PDE8A: variants seen among roughly 807,000 people sequenced by gnomAD.
PDE8A encodes the protein high affinity cAMP-specific and IBMX-insensitive 3',5'-cyclic phosphodiesterase 8A.
In PDE8A, 59 loss-of-function variants were observed where a neutral mutation model predicts 105.0. That is an observed-to-expected ratio of 0.56 (90% CI 0.46 to 0.70). The LOEUF (loss-of-function observed/expected upper bound fraction) is 0.70, where lower values mean the gene tolerates loss of function less well. PDE8A is among the 30% of genes least tolerant of loss of function. PDE8A has a pLI of 0.00. For synonymous variants in PDE8A, 355 were observed against 371.9 expected, an observed-to-expected ratio of 0.95 and a Z score of 0.52; for missense variants, 1,014 against 1,045.9, an observed-to-expected ratio of 0.97 and a Z score of 0.42.
intron 1 of PDE8A, among the ~76,000 whole-genome samples, chr15:85,022,426 GTTTTT>G (rs3042744): frequency 7.4e-6 from 1 of 134,464 alleles, no homozygotes; most frequent in Non-Finnish European, 1.6e-5. Flanking sequence ...TATTGGAAGT[GTTTTT>G]TTTTTTTTTT....
intron 1 of PDE8A, among the ~76,000 whole-genome samples, chr15:84,991,538 C>T (rs2079885579): frequency 6.6e-6 from 1 of 152,116 alleles, no homozygotes; most frequent in African/African-American, 2.4e-5. Context: ...AGGGAAAAAC[C>T]CATTGTCATT....
At chr15:85,022,066 C>T (rs1345887097) in intron 1 of PDE8A, among the ~76,000 whole-genome samples, 1 of 152,214 alleles carries the variant, frequency 6.6e-6, no homozygotes, top group East Asian at 1.9e-4. Flanking sequence ...TAAGCTTTCA[C>T]CAACTAGTTT....
chr15:85,023,927 A>G (rs1246818525), intron 1 of PDE8A, among the ~76,000 whole-genome samples: 1 of 152,082 alleles, frequency 6.6e-6, no homozygotes, highest in African/African-American at 2.4e-5. Flanking sequence ...GGGATCAGGG[A>G]TGGTTTGGAC....
At chr15:85,123,831 GA>G (rs1050692197) in intron 19 of PDE8A, among the ~76,000 whole-genome samples, 2 of 152,112 alleles carry the variant, frequency 1.3e-5, no homozygotes, top group African/African-American at 4.8e-5. Context: ...AACTTGGCAG[GA>G]AAAAAATTAG....
At chr15:85,015,243 T>TG (rs2080305425) in intron 1 of PDE8A, among the ~76,000 whole-genome samples, 1 of 68,866 alleles carries the variant, frequency 1.5e-5, no homozygotes, top group Non-Finnish European at 3.5e-5. Flanking sequence ...TGTGCATAAG[T>TG]CTTTTTTTTT....
At chr15:84,983,300 A>G (rs141806365) in intron 1 of PDE8A, among the ~76,000 whole-genome samples, 118 of 152,392 alleles carry the variant, frequency 7.7e-4, no homozygotes, top group African/African-American at 2.7e-3. Flanking sequence ...GCATGGCTGC[A>G]GATTGTTGGC....
At chr15:85,074,049 T>C (rs1012940099) in intron 3 of PDE8A, among the ~76,000 whole-genome samples, 1 of 151,924 alleles carries the variant, frequency 6.6e-6, no homozygotes, top group South Asian at 2.1e-4. Flanking sequence ...GAGTACAGAG[T>C]GAACACAGAA....
At chr15:84,996,823 C>CAAAAA (rs34363361) in intron 1 of PDE8A, among the ~76,000 whole-genome samples, 1,212 of 53,804 alleles carry the variant, frequency 0.023, 263 homozygotes, top group Non-Finnish European at 0.031. Flanking sequence ...AAGACTCTCT[C>CAAAAA]AAAAAAAAAA....
intron 1 of PDE8A, among the ~76,000 whole-genome samples, chr15:84,983,693 G>T (rs1329746977): frequency 2.0e-5 from 3 of 152,214 alleles, no homozygotes; most frequent in Non-Finnish European, 4.4e-5. Flanking sequence ...TTAAAAAAGT[G>T]TTACACAGGT....
At chr15:84,993,896 CA>C (rs1373579979) in intron 1 of PDE8A, among the ~76,000 whole-genome samples, 1 of 151,842 alleles carries the variant, frequency 6.6e-6, no homozygotes, top group African/African-American at 2.4e-5. Context: ...TCTTAAAAAG[CA>C]AAAAACAAAA....
At chr15:85,044,536 T>A (rs2080859233) in intron 1 of PDE8A, among the ~76,000 whole-genome samples, 1 of 152,170 alleles carries the variant, frequency 6.6e-6, no homozygotes, top group Admixed American at 6.5e-5. Context: ...GCCCCAAATT[T>A]CCATGCCACA....
At chr15:84,986,359 T>C (rs768870562) in intron 1 of PDE8A, among the ~76,000 whole-genome samples, 2 of 152,216 alleles carry the variant, frequency 1.3e-5, no homozygotes, top group African/African-American at 2.4e-5. Context: ...CATTCTCTAG[T>C]TGGTCCATTT....
chr15:84,982,082 G>T lies in PDE8A; in HGVS notation c.-81G>T. Reference sequence around the variant, plus strand: ...CAGGCGGCGATGACACGGCGCCCGCGGCGGCCCGGAGGCGCCGGGTGGGCC... The same window carrying T: ...CAGGCGGCGATGACACGGCGCCCGCTGCGGCCCGGAGGCGCCGGGTGGGCC... On this transcript the variant is annotated 5_prime_UTR_variant, in exon 1 of 22. Coordinates refer to ENST00000394553, the MANE Select transcript of PDE8A (RefSeq NM_002605.3). 1.1e-6 allele frequency: 1 copy of T among 929,326 alleles called. No homozygotes were observed. The highest frequency in any genetic ancestry group is 1.4e-6 in the Non-Finnish European group (1 of 724,052). The allele number at this position is 929,326 out of a possible 1,614,324, so 57.6% of individuals were successfully genotyped here. A position where few individuals can be genotyped will look rare whatever the true frequency, so the allele number is the denominator to read the frequency against.
At chr15:85,071,638 G>A (rs928499006) in intron 3 of PDE8A, among the ~76,000 whole-genome samples, 4 of 152,208 alleles carry the variant, frequency 2.6e-5, no homozygotes, top group African/African-American at 9.7e-5. Flanking sequence ...CTCCAAGCCC[G>A]AACTGTGCTT....
At chr15:85,115,543 T>C in intron 15 of PDE8A, 56 bp downstream of exon 15, 1 of 855,522 alleles carries the variant, frequency 1.2e-6, no homozygotes, top group Non-Finnish European at 1.8e-6. Flanking sequence ...GCAGTCTAGC[T>C]TAAGTGATGA....
At chr15:85,072,738 T>G (rs1596490695) in intron 3 of PDE8A, among the ~76,000 whole-genome samples, 1 of 152,320 alleles carries the variant, frequency 6.6e-6, no homozygotes, top group East Asian at 1.9e-4. Flanking sequence ...AGATACTGTT[T>G]AAACCACTCT....
At chr15:85,107,599 GA>G (rs2081965688) in intron 11 of PDE8A, among the ~76,000 whole-genome samples, 1 of 152,172 alleles carries the variant, frequency 6.6e-6, no homozygotes, top group Non-Finnish European at 1.5e-5. Context: ...AAGGAGAGGG[GA>G]GGGGGAGAAG....
chr15:85,112,672 C>T lies in PDE8A; in HGVS notation c.1115-705C>T, dbSNP rs16974881. On this transcript the variant is annotated intron_variant, in intron 12 of 21. Transcript: ENST00000394553. The stretch of plus-strand genomic sequence containing the variant: ...ATCAGTCTCTGGGACAGCCCCTGGT[C>T]CTGTAACGTCTTTGGGAAGCAGCAT... Among the ~76,000 whole-genome samples, 7 of 152,152 alleles carry T rather than the reference C, an allele frequency of 4.6e-5. No homozygotes were observed. In the East Asian group the frequency reaches 9.6e-4, roughly 21 times the overall value.
At chr15:84,996,823 C>CAAAAAAAA (rs34363361) in intron 1 of PDE8A, among the ~76,000 whole-genome samples, 18 of 53,824 alleles carry the variant, frequency 3.3e-4, no homozygotes, top group African/African-American at 7.9e-4. Context: ...AAGACTCTCT[C>CAAAAAAAA]AAAAAAAAAA....
Sources: allele counts gnomAD v4.1 joint callset (sites outside exome capture counted in the v4.1 genomes callset), GRCh38; gene constraint gnomAD v4.1.1; transcripts MANE v1.5; gene names NCBI Gene and HGNC (gene_info 2026-07-23, HGNC 2026-07-21).